Variants in COL6A5 observed in about 807,000 individuals in gnomAD.
The protein encoded by COL6A5 is collagen type VI alpha 5 chain, also known as collagen alpha-5(VI) chain.
A neutral mutation model predicts 65.6 loss-of-function variants in COL6A5; 48 were observed. That is an observed-to-expected ratio of 0.73 (90% confidence interval 0.58 to 0.93). COL6A5 has a LOEUF of 0.93. COL6A5 is among the 40% of genes least tolerant of loss of function. COL6A5 has a pLI of 0.00. For synonymous variants in COL6A5, 291 were observed against 322.8 expected (o/e 0.90, Z 1.05); for missense variants, 914 against 928.3 (o/e 0.98, Z 0.20).
chr3:130,438,264 G>A (rs1709084443), intron 1 of COL6A5, among the ~76,000 whole-genome samples: 1 of 152,126 alleles, frequency 6.6e-6, no homozygotes, highest in Admixed American at 6.5e-5. Flanking sequence ...CAAAGTACTA[G>A]GATTACAGGC....
intron 3 of COL6A5, among the ~76,000 whole-genome samples, chr3:130,378,321 A>G (rs1376090980): frequency 6.6e-6 from 1 of 152,160 alleles, no homozygotes; most frequent in African/African-American, 2.4e-5. Flanking sequence ...TGTTCAGGCC[A>G]AAAACCCAGG....
At chr3:130,400,066 A>G (rs555080446) in intron 10 of COL6A5, among the ~76,000 whole-genome samples, 1 of 152,092 alleles carries the variant, frequency 6.6e-6, no homozygotes, top group African/African-American at 2.4e-5. Flanking sequence ...CCTGGTCCCC[A>G]TGTACTTTAC....
At chr3:130,438,069 G>T (rs1033577245) in intron 1 of COL6A5, among the ~76,000 whole-genome samples, 3 of 152,160 alleles carry the variant, frequency 2.0e-5, no homozygotes, top group African/African-American at 7.2e-5. Context: ...CACGATCTTG[G>T]CTCACTGTAA....
chr3:130,473,023 T>C (rs1233694668), intron 7 of COL6A5, among the ~76,000 whole-genome samples: 1 of 149,280 alleles, frequency 6.7e-6, no homozygotes, highest in Non-Finnish European at 1.5e-5. Context: ...ATAGGAAAAA[T>C]AGGAAAAATA....
intron 1 of COL6A5, among the ~76,000 whole-genome samples, chr3:130,347,814 CCT>C (rs1208975092): frequency 6.6e-6 from 1 of 152,114 alleles, no homozygotes; most frequent in Non-Finnish European, 1.5e-5. Flanking sequence ...TGATGATGCC[CCT>C]GTCAATCTTG....
chr3:130,421,429 G>T (rs1937515879), intron 27 of COL6A5, 69 bp downstream of exon 27: 2 of 1,435,102 alleles, frequency 1.4e-6, no homozygotes, highest in South Asian at 1.2e-5. Flanking sequence ...AGATAAACCT[G>T]TAGGTCTGAA....
At chr3:130,441,529 C>T (rs1709181048) in intron 3 of COL6A5, among the ~76,000 whole-genome samples, 1 of 152,134 alleles carries the variant, frequency 6.6e-6, no homozygotes, top group Non-Finnish European at 1.5e-5. Flanking sequence ...GTTGCATGAC[C>T]AGTGGACTCT....
At position 130,391,566 on chromosome 3, in the gene COL6A5, A is replaced by G. The variant is rs1260607988; in HGVS notation, c.2804A>G (p.Asn935Ser). Residue 935 changes from asparagine to serine, a missense_variant and NMD_transcript_variant, in exon 7 of 42, where the codon AAT becomes AGT. By Grantham distance (46) the Asn-to-Ser change is conservative. Transcript: ENST00000312481. ...GAATCCCATGACCATGATCAGCTCA[A>G]TGACACAGCATTGGAACTGAGAAAC... 7 of 1,551,596 alleles carry G rather than the reference A, an allele frequency of 4.5e-6. No homozygotes were observed. In the Admixed American group the frequency reaches 9.8e-5, roughly 22 times the overall value.
At chr3:130,483,954 A>T in intron 7 of COL6A5, 81 bp from the exon 41 acceptor site, 2 of 1,221,704 alleles carry the variant, frequency 1.6e-6, no homozygotes, top group Non-Finnish European at 2.4e-6. Flanking sequence ...TATATGTGGC[A>T]TATAAAGGAG....
chr3:130,468,664 T>C lies in COL6A5; in HGVS notation c.1545-131T>C. ...GTGCATCTGGGAACAAGCAATGTGA[T>C]TATTGATGTCTGCCATGAGTATGGA... On this transcript the variant is annotated intron_variant, in intron 5 of 7. Coordinates refer to ENST00000512836, the Ensembl canonical transcript of COL6A5. The C allele has an allele frequency of 7.7e-6, 5 of 651,716 alleles. No homozygotes were observed. In the South Asian group the frequency reaches 1.0e-4, roughly 13 times the overall value. 40.4% of individuals were successfully genotyped at this position (651,716 alleles called of 1,614,324 possible). A position where few individuals can be genotyped will look rare whatever the true frequency, so the allele number is the denominator to read the frequency against.
intron 4 of COL6A5, among the ~76,000 whole-genome samples, chr3:130,453,118 AG>A (rs1709484084): frequency 6.6e-6 from 1 of 152,124 alleles, no homozygotes; most frequent in Non-Finnish European, 1.5e-5. Context: ...CAATCATCAC[AG>A]CGTCCTGAGG....
intron 5 of COL6A5, among the ~76,000 whole-genome samples, chr3:130,388,111 C>T (rs542006545): frequency 6.6e-6 from 1 of 152,052 alleles, no homozygotes; most frequent in South Asian, 2.1e-4. Context: ...TATGAAATCA[C>T]TTAGAATTAT....
intron 1 of COL6A5, among the ~76,000 whole-genome samples, chr3:130,350,650 A>G (rs943040743): frequency 1.3e-5 from 2 of 152,260 alleles, no homozygotes; most frequent in Middle Eastern, 3.4e-3. Context: ...ACTGCTCAAC[A>G]AAATAAAAGA....
rs978591435 is a variant in COL6A5, at chr3:130,422,802, A to G, written c.5100+20A>G. ...CTAGCAGTAAGTAGCCTATAATTCCAGAAATGATAAATATTCCTTTGGCAG... is the reference window on the plus strand; with the variant it reads ...CTAGCAGTAAGTAGCCTATAATTCCGGAAATGATAAATATTCCTTTGGCAG... On this transcript the variant is annotated intron_variant and NMD_transcript_variant, in intron 28 of 41. Transcript: ENST00000312481. The G allele has an allele frequency of 2.9e-6, 4 of 1,393,154 alleles. No individual in the cohort carries two copies. The African/African-American group carries it at 6.0e-5, about 21-fold the overall frequency. 86.3% of individuals were successfully genotyped at this position (1,393,154 alleles called of 1,614,324 possible).
At chr3:130,423,563 A>G (rs1013549096) in intron 28 of COL6A5, among the ~76,000 whole-genome samples, 3 of 152,112 alleles carry the variant, frequency 2.0e-5, no homozygotes, top group Non-Finnish European at 2.9e-5. Flanking sequence ...TGCTCTTCCA[A>G]TTAGCACCAA....
At chr3:130,413,796 G>A (rs1423553565) in intron 21 of COL6A5, among the ~76,000 whole-genome samples, 1 of 147,286 alleles carries the variant, frequency 6.8e-6, no homozygotes, top group Non-Finnish European at 1.5e-5. Context: ...TGGCAGACAG[G>A]CAGAACCTGT....
chr3:130,446,207 A>G (rs1454866490), intron 4 of COL6A5, among the ~76,000 whole-genome samples: 2 of 152,170 alleles, frequency 1.3e-5, no homozygotes, highest in African/African-American at 2.4e-5. Flanking sequence ...GAGCAGGGCA[A>G]TGGTCATCTC....
chr3:130,465,264 A>G (rs1172683932), intron 5 of COL6A5, among the ~76,000 whole-genome samples: 1 of 152,078 alleles, frequency 6.6e-6, no homozygotes, highest in Non-Finnish European at 1.5e-5. Flanking sequence ...GTGGGATACC[A>G]GAGAGGGATA....
chr3:130,468,952 A>C (rs1240600965), exon 6 of COL6A5: 4 of 1,612,716 alleles, frequency 2.5e-6, no homozygotes, highest in Non-Finnish European at 8.5e-7. Flanking sequence ...TTATAACCTC[A>C]GTGCTTGATT....
Sources: allele counts gnomAD v4.1 joint callset (sites outside exome capture counted in the v4.1 genomes callset), GRCh38; gene constraint gnomAD v4.1.1; transcripts MANE v1.5; gene names NCBI Gene and HGNC (gene_info 2026-07-23, HGNC 2026-07-21).